Variants in ATG2B observed in about 807,000 individuals in gnomAD.
The protein encoded by ATG2B is autophagy-related protein 2 homolog B.
A neutral mutation model predicts 241.3 loss-of-function variants in ATG2B; 121 were observed. The ratio of observed to expected loss-of-function variants is 0.50; its 90% CI spans 0.43 to 0.58. The LOEUF (loss-of-function observed/expected upper bound fraction) is 0.58. Among genes scored for constraint, ATG2B ranks in the 20% least tolerant of loss-of-function variants. The probability of loss-of-function intolerance (pLI) is 0.00; values close to 1 mark genes in which losing one functional copy is unlikely to be tolerated. For synonymous variants in ATG2B, 858 were observed against 876.6 expected (o/e 0.98, Z 0.37); for missense variants, 2,306 against 2,491.6 (o/e 0.93, Z 1.59).
chr14:96,289,555 G>C lies in ATG2B; in HGVS notation c.6006+101C>G, dbSNP rs530293418. The C allele has an allele frequency of 7.1e-7, 1 of 1,410,962 alleles. No individual in the cohort carries two copies. The highest frequency in any genetic ancestry group is 1.3e-5 in the South Asian group (1 of 74,086). 87.4% of individuals were successfully genotyped at this position (1,410,962 alleles called of 1,614,324 possible). On this transcript the variant is annotated intron_variant, in intron 41 of 41. Coordinates refer to ENST00000359933, the MANE Select transcript of ATG2B (RefSeq NM_018036.7). The surrounding 1 kb of genome is among the most constrained non-coding windows in gnomAD (Gnocchi z 4.3). ...GTGGCAGTTGCCATTCTGCTCCCAG[G>C]GATTTCTACAGAATACATTTAAGCC...
At chr14:96,355,431 T>C (rs958638482) in intron 1 of ATG2B, among the ~76,000 whole-genome samples, 1 of 152,200 alleles carries the variant, frequency 6.6e-6, no homozygotes, top group Non-Finnish European at 1.5e-5. Context: ...AAAGATCAGA[T>C]AGTTGCAGGT....
intron 32 of ATG2B, 100 bp downstream of exon 32, chr14:96,304,395 G>T: frequency 1.3e-6 from 1 of 788,630 alleles, no homozygotes; most frequent in Non-Finnish European, 2.1e-6. Flanking sequence ...CAATCCAAAG[G>T]GTTGGGACTT....
At chr14:96,311,433 A>G in intron 27 of ATG2B, 109 bp downstream of exon 27, 3 of 1,176,226 alleles carry the variant, frequency 2.6e-6, no homozygotes, top group Admixed American at 4.8e-5. Flanking sequence ...TTTTTAATAT[A>G]CTTACTCTAT....
rs199936713 is a variant in ATG2B at position 96,306,317 on chromosome 14, CA to C, written c.4506+396del. Among the ~76,000 whole-genome samples the C allele has an allele frequency of 4.2e-3, 647 of 152,300 alleles. 26 individuals are homozygous for C. In the South Asian group the frequency reaches 0.067, roughly 16 times the overall value. On this transcript the variant is annotated intron_variant, in intron 30 of 41. Transcript: ENST00000359933. ...GTTTCCAAATACACATACACACACA[CA>C]CTTATATCTATACATACACACAAAC...
chr14:96,354,207 G>C (rs989580712), intron 1 of ATG2B, among the ~76,000 whole-genome samples: 22 of 152,150 alleles, frequency 1.4e-4, no homozygotes, highest in African/African-American at 5.1e-4. Context: ...TGTGTCCCAT[G>C]GTGGTTTGCT....
intron 33 of ATG2B, among the ~76,000 whole-genome samples, chr14:96,302,709 G>A (rs1475214220): frequency 1.3e-5 from 2 of 152,200 alleles, no homozygotes; most frequent in African/African-American, 4.8e-5. Flanking sequence ...ATCAAATTCT[G>A]TGAGGGACCT....
At chr14:96,308,267 T>TATATAC in intron 29 of ATG2B, among the ~76,000 whole-genome samples, 1 of 27,056 alleles carries the variant, frequency 3.7e-5, no homozygotes, top group Non-Finnish European at 8.3e-5. Flanking sequence ...CATATATATA[T>TATATAC]ATATATATAT....
chr14:96,333,665 T>C, intron 8 of ATG2B, 23 bp downstream of exon 8: 1 of 1,604,232 alleles, frequency 6.2e-7, no homozygotes. Flanking sequence ...ATGATTCTGG[T>C]GTCAACAGTT....
In ATG2B at chr14:96,283,901, A is replaced by G. The variant is rs1886268650; in HGVS notation, c.*1854T>C. ...CGCGGAGATTACATTACAAAGATATATGTTTAAATGAGATTTGTAAACTTA... is the reference window on the plus strand; with the variant it reads ...CGCGGAGATTACATTACAAAGATATGTGTTTAAATGAGATTTGTAAACTTA... On this transcript the variant is annotated 3_prime_UTR_variant, in exon 42 of 42. Coordinates refer to ENST00000359933, the MANE Select transcript of ATG2B (RefSeq NM_018036.7). 6.6e-6 allele frequency: 1 copy of G among 152,230 alleles called. No homozygotes were observed. The highest frequency in any genetic ancestry group is 6.5e-5 in the Admixed American group (1 of 15,292). The allele number at this position is 152,230 out of a possible 1,614,324, so 9.4% of individuals were successfully genotyped here.
At position 96,313,320 on chromosome 14, in the gene ATG2B, T is replaced by C; in HGVS notation, c.3749+9A>G. 22 of 1,551,508 alleles carry C rather than the reference T, an allele frequency of 1.4e-5. No homozygotes were observed. Among genetic ancestry groups the C allele is most frequent in the Non-Finnish European group, 1.9e-5 (22 of 1,146,072 alleles). ...ATAAAACTTTATTTTGTTCCATTTGTGAACTTACCTATAATCAAGTGCACA... is the reference window on the plus strand; with the variant it reads ...ATAAAACTTTATTTTGTTCCATTTGCGAACTTACCTATAATCAAGTGCACA... On this transcript the variant is annotated intron_variant, in intron 24 of 41. Coordinates refer to ENST00000359933, the MANE Select transcript of ATG2B (RefSeq NM_018036.7).
intron 37 of ATG2B, 135 bp downstream of exon 37, chr14:96,291,892 AAC>A: frequency 1.5e-6 from 1 of 667,830 alleles, no homozygotes; most frequent in East Asian, 2.9e-5. Context: ...TTACATTAAA[AAC>A]AATTAAATTT....
Position 96,283,890 on chromosome 14 carries a change from T to C in ATG2B, c.*1865A>G, listed in dbSNP as rs556554230. 2 of 152,340 alleles carry C rather than the reference T, an allele frequency of 1.3e-5. No homozygotes were observed. The highest frequency in any genetic ancestry group is 1.3e-4 in the Admixed American group (2 of 15,306). 9.4% of individuals were successfully genotyped at this position (152,340 alleles called of 1,614,324 possible). A position where few individuals can be genotyped will look rare whatever the true frequency, so the allele number is the denominator to read the frequency against. On this transcript the variant is annotated 3_prime_UTR_variant, in exon 42 of 42. Coordinates refer to ENST00000359933, the MANE Select transcript of ATG2B (RefSeq NM_018036.7). ...AAAGAAAGAACCGCGGAGATTACAT[T>C]ACAAAGATATATGTTTAAATGAGAT...
At chr14:96,304,050 T>C (rs553688617) in intron 32 of ATG2B, among the ~76,000 whole-genome samples, 1 of 152,340 alleles carries the variant, frequency 6.6e-6, no homozygotes, top group South Asian at 2.1e-4. Context: ...ATGCGTGTGA[T>C]GCCATCAGTA....
chr14:96,306,545 C>T (rs948096384), intron 30 of ATG2B, among the ~76,000 whole-genome samples, 169 bp downstream of exon 30: 1 of 150,878 alleles, frequency 6.6e-6, no homozygotes, highest in Non-Finnish European at 1.5e-5. Flanking sequence ...AGATGTGTCA[C>T]AGAAATAGTA....
Position 96,308,233 on chromosome 14 carries a change from T to TATATATATATATATATAC in ATG2B, c.4303+1219_4303+1220insGTATATATATATATATAT, listed in dbSNP as rs1566719573. On this transcript the variant is annotated intron_variant, in intron 29 of 41. Transcript: ENST00000359933. ...ATAAATACATAAATATATATATACATATATATATATATATATATACACACA... is the reference window on the plus strand; with the variant it reads ...ATAAATACATAAATATATATATACATATATATATATATATATACATATATATATATATATATACACACA... Among the ~76,000 whole-genome samples the TATATATATATATATATAC allele has an allele frequency of 4.9e-4, 7 of 14,356 alleles. 1 individual carries two copies. Among genetic ancestry groups the TATATATATATATATATAC allele is most frequent in the Non-Finnish European group, 9.1e-4 (5 of 5,490 alleles). The allele number at this position is 14,356 out of a possible 152,430, so 9.4% of individuals were successfully genotyped here.
At chr14:96,331,187 T>C (rs1244624310) in intron 11 of ATG2B, among the ~76,000 whole-genome samples, 189 bp downstream of exon 11, 3 of 152,234 alleles carry the variant, frequency 2.0e-5, no homozygotes, top group Non-Finnish European at 2.9e-5. Flanking sequence ...ATAACCTGAA[T>C]GAAAGATTCT....
chr14:96,282,831 T>C lies in ATG2B; in HGVS notation c.*2924A>G, dbSNP rs1174645133. The C allele has an allele frequency of 2.6e-5, 4 of 152,216 alleles. No individual in the cohort carries two copies. Among genetic ancestry groups the C allele is most frequent in the African/African-American group, 9.6e-5 (4 of 41,454 alleles). The allele number at this position is 152,216 out of a possible 1,614,324, so 9.4% of individuals were successfully genotyped here. On this transcript the variant is annotated 3_prime_UTR_variant, in exon 42 of 42. Coordinates refer to ENST00000359933, the MANE Select transcript of ATG2B (RefSeq NM_018036.7). The stretch of plus-strand genomic sequence containing the variant: ...GAAATATTTCAATCGGCTTGAAAAG[T>C]GACACACAACAGGAGCAGGAAACAC...
At chr14:96,329,393 CATTTTTAAAGAAAAT>C in intron 12 of ATG2B, 76 bp downstream of exon 12, 9 of 887,602 alleles carry the variant, frequency 1.0e-5, no homozygotes, top group Non-Finnish European at 1.5e-5. Context: ...GCTTTCTATA[CATTTTTAAAGAAAAT>C]CATTGCCTCA....
At chr14:96,331,683 A>G (rs755505534) in intron 10 of ATG2B, 46 bp from the exon 11 acceptor site, 4 of 1,379,694 alleles carry the variant, frequency 2.9e-6, no homozygotes, top group Non-Finnish European at 3.9e-6. Flanking sequence ...TTGACACATA[A>G]AACTATTAAA....
Sources: allele counts gnomAD v4.1 joint callset (sites outside exome capture counted in the v4.1 genomes callset), GRCh38; gene constraint gnomAD v4.1.1; non-coding constraint Gnocchi (gnomAD v3.1); transcripts MANE v1.5; gene names NCBI Gene and HGNC (gene_info 2026-07-23, HGNC 2026-07-21).